The following MSS51 variants were observed in gnomAD, a reference collection of about 807,000 sequenced individuals.
The protein encoded by MSS51 is MSS51 mitochondrial translational activator.
In MSS51, 32 loss-of-function variants were observed where a neutral mutation model predicts 40.2. The ratio of observed to expected loss-of-function variants is 0.80; its 90% CI spans 0.60 to 1.07. MSS51 has a LOEUF of 1.07. Among genes scored for constraint, MSS51 ranks in the 50% least tolerant of loss-of-function variants. The pLI, the probability that MSS51 is intolerant of heterozygous loss-of-function variation, is 0.00. For synonymous variants in MSS51, 178 were observed against 214.2 expected (o/e 0.83, Z 1.48); for missense variants, 518 against 568.9 (o/e 0.91, Z 0.91).
chr10:73,425,271 A>C (rs1237785851), intron 5 of MSS51, 80 bp from the exon 6 acceptor site: 12 of 826,332 alleles, frequency 1.5e-5, no homozygotes, highest in Non-Finnish European at 2.3e-5. Flanking sequence ...GACTGTGAGC[A>C]CCCCACCCCT....
Position 73,424,361 on chromosome 10 carries a change from A to G in MSS51, c.*192T>C. The G allele has an allele frequency of 3.6e-6, 2 of 557,596 alleles. No homozygotes were observed. The highest frequency in any genetic ancestry group is 2.1e-5 in the South Asian group (1 of 48,688). 34.5% of individuals were successfully genotyped at this position (557,596 alleles called of 1,614,324 possible). A position where few individuals can be genotyped will look rare whatever the true frequency, so the allele number is the denominator to read the frequency against. On this transcript the variant is annotated 3_prime_UTR_variant, in exon 7 of 7. Transcript: ENST00000299432. ...CGCTGCACTCCAGCCTGGGCAACAG[A>G]GCAAGACTCCATCTCAAAAAAAGAA...
intron 1 of MSS51, among the ~76,000 whole-genome samples, chr10:73,430,203 T>G (rs962565051): frequency 2.6e-5 from 4 of 151,992 alleles, no homozygotes; most frequent in Non-Finnish European, 5.9e-5. Context: ...TGGCAATAAT[T>G]TCTAGGATAT....
In MSS51 at chr10:73,428,106, A is replaced by C. The variant is rs2056002960; in HGVS notation, c.179T>G (p.Leu60Arg). 2 of 1,614,006 alleles carry C rather than the reference A, an allele frequency of 1.2e-6. No homozygotes were observed. Among genetic ancestry groups the C allele is most frequent in the African/African-American group, 2.7e-5 (2 of 74,898 alleles). ...TTTCATGTTCAGCTTTTGAAGGATC[A>C]GCTGCGATAGGCCAGGAACATTATC... is the stretch of plus-strand genomic sequence containing the variant. ...LDDNVPGLSQ[L>R]ILQKLNMKSY... Residue 60 changes from leucine to arginine, a missense_variant, in exon 2 of 7, where the codon CTG (leucine) becomes CGG (arginine). Coordinates refer to ENST00000299432, the MANE Select transcript of MSS51 (RefSeq NM_001024593.2).
chr10:73,427,301 CAG>C (rs142138418), intron 3 of MSS51, among the ~76,000 whole-genome samples: 5,139 of 109,484 alleles, frequency 0.047, 357 homozygotes, highest in African/African-American at 0.16. Context: ...TTTTTTGAGA[CAG>C]AGTCTCGCTC....
At chr10:73,427,812 T>C (rs2056000787) in intron 2 of MSS51, 44 bp from the exon 3 acceptor site, 6 of 1,599,682 alleles carry the variant, frequency 3.8e-6, no homozygotes, top group Non-Finnish European at 5.1e-6. Flanking sequence ...GGGAAAGGAA[T>C]ATCTCCAAAA....
At position 73,428,301 on chromosome 10, in the gene MSS51, C is replaced by A; in HGVS notation, c.-17G>T. ...TGGAGCCATGGCCTGTCCAGTGATA[C>A]CTGGAGATTATATGCAGAATAGACA... On this transcript the variant is annotated splice_region_variant and 5_prime_UTR_variant, in exon 2 of 7. Transcript: ENST00000299432. The A allele has an allele frequency of 6.3e-7, 1 of 1,586,402 alleles. No homozygotes were observed. Among genetic ancestry groups the A allele is most frequent in the African/African-American group, 1.4e-5 (1 of 73,830 alleles).
rs541810673 is a variant in MSS51 at position 73,425,288 on chromosome 10, G to C, written c.1070-97C>G. 36 of 712,784 alleles carry C rather than the reference G, an allele frequency of 5.1e-5. No individual in the cohort carries two copies. The South Asian group carries it at 6.2e-4, about 12-fold the overall frequency. The allele number at this position is 712,784 out of a possible 1,614,324, so 44.2% of individuals were successfully genotyped here. ...CTGTGAGCACCCCACCCCTCACCTT[G>C]CTTATCCCCAGTCATTATCATCATC... is the stretch of plus-strand genomic sequence containing the variant. On this transcript the variant is annotated intron_variant, in intron 5 of 6. Transcript: ENST00000299432.
chr10:73,426,225 C>G lies in MSS51; in HGVS notation c.655G>C (p.Gly219Arg). 1 of 1,614,024 alleles carries G rather than the reference C, an allele frequency of 6.2e-7. No homozygotes were observed. The highest frequency in any genetic ancestry group is 1.1e-5 in the South Asian group (1 of 91,086). The change falls in exon 5 of 7, where the codon GGA becomes CGA. Residue 219 changes from glycine to arginine, a missense_variant. Gly to Arg is a moderately radical substitution (Grantham distance 125). Coordinates refer to ENST00000299432, the MANE Select transcript of MSS51 (RefSeq NM_001024593.2). Reference sequence around the variant, plus strand: ...ACATCCGGGTCTGGCCTTGGCCGTCCTACACTGGCCCATAAGGTGGTCACA... The same window carrying G: ...ACATCCGGGTCTGGCCTTGGCCGTCGTACACTGGCCCATAAGGTGGTCACA... Reference protein sequence around the residue: ...HAVTTLWASVGRPRPDPDVLQ... With the variant: ...HAVTTLWASVRRPRPDPDVLQ...
intron 1 of MSS51, among the ~76,000 whole-genome samples, chr10:73,430,285 T>G (rs899395883): frequency 9.2e-5 from 14 of 152,248 alleles, no homozygotes; most frequent in African/African-American, 3.4e-4. Context: ...AAAACTTTTG[T>G]GCATCAAAGG....
intron 1 of MSS51, chr10:73,429,713 G>A (rs1251971253): frequency 2.2e-6 from 1 of 454,592 alleles, no homozygotes; most frequent in African/African-American, 2.0e-5. Context: ...AGGACCATAT[G>A]AGAAAAATTA....
At position 73,425,935 on chromosome 10, in the gene MSS51, A is replaced by G. The variant is rs1270491940; in HGVS notation, c.945T>C (p.Thr315=). The G allele has an allele frequency of 1.9e-6, 3 of 1,614,156 alleles. No individual in the cohort carries two copies. The highest frequency in any genetic ancestry group is 2.5e-6 in the Non-Finnish European group (3 of 1,180,030). ...GAATTGTGCCAGGTTCCAGGGGTGA[A>G]GTTGAGGTGCTCTGTGAAAAGCCAG... is the stretch of plus-strand genomic sequence containing the variant. ...VATGFSQSTS[T]SPLEPGTIQL... The change falls in exon 5 of 7, where the codon ACT becomes ACC. Residue 315 remains threonine, a synonymous_variant. Transcript: ENST00000299432.
chr10:73,427,512 C>T (rs1194653943), intron 3 of MSS51, 101 bp downstream of exon 3: 4 of 1,309,540 alleles, frequency 3.1e-6, no homozygotes, highest in Non-Finnish European at 4.2e-6. Flanking sequence ...GATCCACCTG[C>T]CTCGGCCTCC....
chr10:73,425,007 T>C (rs560216645), intron 6 of MSS51, 91 bp downstream of exon 6: 4 of 998,626 alleles, frequency 4.0e-6, no homozygotes, highest in South Asian at 2.6e-5. Context: ...CACCAGAAGG[T>C]AGATGAGCAA....
At chr10:73,430,523 C>T (rs1464709069) in intron 1 of MSS51, among the ~76,000 whole-genome samples, 1 of 151,756 alleles carries the variant, frequency 6.6e-6, no homozygotes, top group Admixed American at 6.6e-5. Context: ...AGAAAATATG[C>T]TCAATAGTCA....
chr10:73,433,067 GAACACC>G (rs1343703554), intron 1 of MSS51, among the ~76,000 whole-genome samples: 3 of 152,060 alleles, frequency 2.0e-5, no homozygotes, highest in African/African-American at 7.2e-5. Context: ...ATAAGAGAGA[GAACACC>G]AACACCAAGA....
rs1465223088 is a variant in MSS51, at chr10:73,428,183, G to A, written c.102C>T (p.Thr34=). Residue 34 remains threonine (T), a synonymous_variant, in exon 2 of 7, where the codon ACC becomes ACT. Coordinates refer to ENST00000299432, the MANE Select transcript of MSS51 (RefSeq NM_001024593.2). ...CAATGCTAGGGCCAGGTTTTGAGGG[G>A]GTCAGAGGCACAGGGGTCACAATTG... ...PTTIVTPVPL[T]PSKPGPSIDT... 1 of 1,614,108 alleles carries A rather than the reference G, an allele frequency of 6.2e-7. No individual in the cohort carries two copies. The highest frequency in any genetic ancestry group is 8.5e-7 in the Non-Finnish European group (1 of 1,180,026).
At chr10:73,430,233 A>C (rs137928687) in intron 1 of MSS51, among the ~76,000 whole-genome samples, 2 of 152,322 alleles carry the variant, frequency 1.3e-5, no homozygotes, top group African/African-American at 4.8e-5. Flanking sequence ...AGCACAGGCA[A>C]CACCACCACC....
chr10:73,427,635 T>TG lies in MSS51; in HGVS notation c.354dup (p.Lys119GlnfsTer7). ...CACCTCTTACAGTGCCGGAGAACCTTGGAGTCTGAAAGCCCACTAGGGAGT... is the reference window on the plus strand; with the variant it reads ...CACCTCTTACAGTGCCGGAGAACCTTGGGAGTCTGAAAGCCCACTAGGGAGT... On this transcript the variant is annotated frameshift_variant, in exon 3 of 7. Transcript: ENST00000299432. LOFTEE classifies it high-confidence loss of function. The TG allele has an allele frequency of 1.2e-6, 2 of 1,613,070 alleles. No homozygotes were observed. The highest frequency in any genetic ancestry group is 1.7e-6 in the Non-Finnish European group (2 of 1,179,204).
In MSS51 at chr10:73,425,994, G is replaced by A. The variant is rs369818691; in HGVS notation, c.886C>T (p.Leu296Phe). 2 of 1,614,068 alleles carry A rather than the reference G, an allele frequency of 1.2e-6. No individual in the cohort carries two copies. The highest frequency in any genetic ancestry group is 1.6e-4 in the Middle Eastern group (1 of 6,084). ...LGYMFPGHLG[L>F]RVVMVGVDVA... ...TCTACACCCACCATGACCACACGGA[G>A]TCCAAGGTGCCCAGGAAACATGTAA... The change falls in exon 5 of 7, where the codon CTC becomes TTC. Residue 296 changes from leucine (L) to phenylalanine (F), a missense_variant. By Grantham distance (22) the Leu-to-Phe change is conservative (BLOSUM62 0). Transcript: ENST00000299432.
Sources: allele counts gnomAD v4.1 joint callset (sites outside exome capture counted in the v4.1 genomes callset), GRCh38; gene constraint gnomAD v4.1.1; transcripts MANE v1.5; gene names NCBI Gene and HGNC (gene_info 2026-07-23, HGNC 2026-07-21).